Variants in GOLM1 observed in about 807,000 individuals in gnomAD.
GOLM1 encodes the protein epididymis luminal protein 46.
In GOLM1, 31 loss-of-function variants were observed where a neutral mutation model predicts 50.5. The observed-to-expected ratio is 0.61, with a 90% CI of 0.46 to 0.83. The LOEUF (loss-of-function observed/expected upper bound fraction) is 0.83, where lower values mean the gene tolerates loss of function less well. Ranked by LOEUF, GOLM1 falls within the 40% of genes least tolerant of loss-of-function variation. GOLM1 has a pLI of 0.00. For missense variants in GOLM1, 491 were observed against 501.3 expected (o/e 0.98, Z 0.20); for synonymous variants, 178 against 192.8 (o/e 0.92, Z 0.64).
chr9:86,058,291 C>T (rs1281407427), intron 3 of GOLM1, among the ~76,000 whole-genome samples: 3 of 152,194 alleles, frequency 2.0e-5, no homozygotes, highest in African/African-American at 7.2e-5. Flanking sequence ...TTTGCAAAGA[C>T]ATCTCCCTAA....
intron 3 of GOLM1, among the ~76,000 whole-genome samples, chr9:86,070,376 A>C (rs1303191657): frequency 1.3e-5 from 2 of 151,658 alleles, no homozygotes; most frequent in Non-Finnish European, 2.9e-5. Flanking sequence ...GTTCAAGACC[A>C]GCCTGGCCAG....
chr9:86,054,063 G>A (rs1309970761), intron 3 of GOLM1, among the ~76,000 whole-genome samples: 1 of 152,184 alleles, frequency 6.6e-6, no homozygotes, highest in Non-Finnish European at 1.5e-5. Flanking sequence ...CTTAGGAACT[G>A]GAGGGTTTCA....
chr9:86,049,303 G>T (rs577699230), intron 4 of GOLM1, among the ~76,000 whole-genome samples: 1 of 152,184 alleles, frequency 6.6e-6, no homozygotes, highest in African/African-American at 2.4e-5. Flanking sequence ...GTCACGTAGC[G>T]TAATGCCTCC....
In GOLM1 at chr9:86,036,448, C is replaced by G; in HGVS notation, c.657G>C (p.Glu219Asp). 1 of 1,614,080 alleles carries G rather than the reference C, an allele frequency of 6.2e-7. No homozygotes were observed. Among genetic ancestry groups the G allele is most frequent in the East Asian group, 2.2e-5 (1 of 44,852 alleles). The stretch of plus-strand genomic sequence containing the variant: ...GCACGTTTCCCTTCCCTTGTGGCAC[C>G]TCTGTGTGTGGCAGGCCTGCTGCCT... ...RLQAAGLPHT[E>D]VPQGKGNVLG... Residue 219 changes from glutamate to aspartate, a missense_variant, in exon 7 of 10, where the codon GAG (glutamate) becomes GAC (aspartate). Transcript: ENST00000388712.
chr9:86,062,196 G>A (rs966019780), intron 3 of GOLM1, among the ~76,000 whole-genome samples: 5 of 152,136 alleles, frequency 3.3e-5, no homozygotes, highest in African/African-American at 1.2e-4. Context: ...CGCTGGGAGA[G>A]TGCAGGATGC....
At chr9:86,064,469 C>T (rs1023061897) in intron 3 of GOLM1, among the ~76,000 whole-genome samples, 3 of 152,164 alleles carry the variant, frequency 2.0e-5, no homozygotes, top group African/African-American at 7.2e-5. Context: ...CCTACTCCTG[C>T]CCAAATTCAG....
At chr9:86,091,833 G>A (rs180897771) in intron 1 of GOLM1, among the ~76,000 whole-genome samples, 2 of 152,310 alleles carry the variant, frequency 1.3e-5, no homozygotes, top group African/African-American at 4.8e-5. Flanking sequence ...CACTTCAAGG[G>A]AAGTGTACAG....
intron 9 of GOLM1, among the ~76,000 whole-genome samples, chr9:86,030,218 C>CAAA (rs35215928): frequency 4.9e-4 from 36 of 73,408 alleles, no homozygotes; most frequent in Admixed American, 6.9e-4. Flanking sequence ...GACTCTGTCT[C>CAAA]AAAAAAAAAA....
intron 3 of GOLM1, among the ~76,000 whole-genome samples, chr9:86,060,432 C>A (rs1199562107): frequency 6.6e-6 from 1 of 152,120 alleles, no homozygotes; most frequent in African/African-American, 2.4e-5. Context: ...CAAGCAGTGA[C>A]TCCCAAATGC....
intron 9 of GOLM1, among the ~76,000 whole-genome samples, chr9:86,028,842 CTTTTTTTTTTTT>C (rs35054627): frequency 1.0e-4 from 11 of 106,822 alleles, no homozygotes; most frequent in Non-Finnish European, 1.6e-4. Context: ...GATAAGGGAA[CTTTTTTTTTTTT>C]TTTTTTTTTT....
At chr9:86,052,659 C>T in intron 3 of GOLM1, 68 bp from the exon 4 acceptor site, 1 of 1,365,352 alleles carries the variant, frequency 7.3e-7, no homozygotes. Flanking sequence ...AGATGTGATA[C>T]AAACCAATGA....
Position 86,088,420 on chromosome 9 carries a change from GTATATATATATATATATATATATATA to G in GOLM1, c.-21-9105_-21-9080del, listed in dbSNP as rs71505775. On this transcript the variant is annotated intron_variant, in intron 1 of 9. Coordinates refer to ENST00000388712, the MANE Select transcript of GOLM1 (RefSeq NM_016548.4). ...TGGATTCGTTGTTTTTTTGAAGGGT[GTATATATATATATATATATATATATA>G]TATATATATATTTAGGATAGATAGG... 1.0e-3 allele frequency among the ~76,000 whole-genome samples: 86 copies of G among 86,300 alleles called. 4 individuals carry two copies. The highest frequency in any genetic ancestry group is 0.013 in the Middle Eastern group (2 of 160). 56.6% of individuals were successfully genotyped at this position (86,300 alleles called of 152,430 possible). A position where few individuals can be genotyped will look rare whatever the true frequency, so the allele number is the denominator to read the frequency against.
At chr9:86,059,481 G>A (rs1046502137) in intron 3 of GOLM1, among the ~76,000 whole-genome samples, 1 of 152,190 alleles carries the variant, frequency 6.6e-6, no homozygotes, top group African/African-American at 2.4e-5. Flanking sequence ...TATACTACAT[G>A]ATACGTCCAG....
chr9:86,088,172 G>C (rs1167700800), intron 1 of GOLM1, among the ~76,000 whole-genome samples: 2 of 151,818 alleles, frequency 1.3e-5, no homozygotes, highest in African/African-American at 4.8e-5. Context: ...TCTTGGGAGG[G>C]TTTATGTGTC....
At chr9:86,071,078 TACACACACACAC>T (rs58612344) in intron 3 of GOLM1, among the ~76,000 whole-genome samples, 2 of 148,224 alleles carry the variant, frequency 1.3e-5, no homozygotes, top group Non-Finnish European at 3.0e-5. Flanking sequence ...TATATACATG[TACACACACACAC>T]ACACACACAC....
At chr9:86,092,488 G>C (rs7854478) in intron 1 of GOLM1, among the ~76,000 whole-genome samples, 36,750 of 152,140 alleles carry the variant, frequency 0.24, 7,543 homozygotes, top group African/African-American at 0.54. Context: ...AAAAAGGTTT[G>C]AGGAAGCCAA....
chr9:86,056,374 T>C (rs953771314), intron 3 of GOLM1, among the ~76,000 whole-genome samples: 4 of 151,612 alleles, frequency 2.6e-5, no homozygotes, highest in South Asian at 2.1e-4. Context: ...TTTATATTTA[T>C]AGAAATTTTG....
chr9:86,053,559 A>ACTC (rs1564347338), intron 3 of GOLM1, among the ~76,000 whole-genome samples: 1 of 308 alleles, frequency 3.2e-3, no homozygotes, highest in African/African-American at 7.7e-3. Flanking sequence ...CACACACTAC[A>ACTC]CACACACACA....
chr9:86,036,821 C>G, intron 6 of GOLM1: 1 of 336,920 alleles, frequency 3.0e-6, no homozygotes, highest in Non-Finnish European at 5.4e-6. Context: ...AAGACATGAA[C>G]GACACAATAC....
Sources: gnomAD v4.1 joint callset for allele counts (sites outside exome capture counted in the v4.1 genomes callset) on GRCh38, gnomAD v4.1.1 for gene constraint, MANE v1.5 for transcripts, NCBI Gene and HGNC (gene_info 2026-07-23, HGNC 2026-07-21) for gene names.